MAN1C1: variants seen among roughly 807,000 people sequenced by gnomAD.
MAN1C1 encodes the protein mannosidase alpha class 1C member 1.
MAN1C1 carries 49 observed loss-of-function variants against 71.5 expected under a neutral mutation model. The ratio of observed to expected loss-of-function variants is 0.69; its 90% CI spans 0.54 to 0.87. The LOEUF is 0.87. Ranked by LOEUF, MAN1C1 falls within the 40% of genes least tolerant of loss-of-function variation. MAN1C1 has a pLI of 0.00. For missense variants in MAN1C1, 743 were observed against 835.0 expected, an observed-to-expected ratio of 0.89 and a Z score of 1.36; for synonymous variants, 352 against 343.7, an observed-to-expected ratio of 1.02 and a Z score of -0.27.
intron 8 of MAN1C1, 144 bp downstream of exon 8, chr1:25,771,916 C>T (rs2047558542): frequency 3.1e-6 from 2 of 636,244 alleles, no homozygotes; most frequent in South Asian, 1.9e-5. Context: ...AGAAGATTGA[C>T]AGGACAGTCC....
At chr1:25,674,134 G>A (rs973429685) in intron 1 of MAN1C1, among the ~76,000 whole-genome samples, 1 of 152,208 alleles carries the variant, frequency 6.6e-6, no homozygotes, top group Non-Finnish European at 1.5e-5. Context: ...CTGTCTGCAC[G>A]CTGCACCAAG....
Position 25,631,276 on chromosome 1 carries a change from T to C in MAN1C1, c.540+12939T>C, listed in dbSNP as rs1394499474. Among the ~76,000 whole-genome samples the C allele has an allele frequency of 7.9e-5, 12 of 152,306 alleles. No individual in the cohort carries two copies. The East Asian group carries it at 2.1e-3, about 27-fold the overall frequency. On this transcript the variant is annotated intron_variant, in intron 1 of 11. Transcript: ENST00000374332. This position sits in a 1 kb window ranked among gnomAD's most constrained non-coding sequence, Gnocchi z 4.2. ...AGCCACCGCACCCAGCCCAGTGCTA[T>C]GTTTAATAGAAGTAGTGAAAGTCGG...
intron 2 of MAN1C1, among the ~76,000 whole-genome samples, chr1:25,729,889 CA>C (rs1352784288): frequency 6.6e-6 from 1 of 152,146 alleles, no homozygotes; most frequent in Non-Finnish European, 1.5e-5. Context: ...GTGGCAAAGT[CA>C]AATTCCAAAC....
chr1:25,756,990 C>T (rs2047294597), intron 5 of MAN1C1, among the ~76,000 whole-genome samples: 1 of 152,108 alleles, frequency 6.6e-6, no homozygotes, highest in Non-Finnish European at 1.5e-5. Flanking sequence ...AGGTGGCTGT[C>T]TCTATATGTG....
At chr1:25,770,183 C>T in intron 7 of MAN1C1, among the ~76,000 whole-genome samples, 1 of 152,246 alleles carries the variant, frequency 6.6e-6, no homozygotes, top group Middle Eastern at 3.2e-3. Flanking sequence ...GGTGCCACTT[C>T]TCTCTTCCCT....
At chr1:25,712,854 A>G (rs934103141) in intron 2 of MAN1C1, among the ~76,000 whole-genome samples, 1 of 152,144 alleles carries the variant, frequency 6.6e-6, no homozygotes, top group African/African-American at 2.4e-5. Flanking sequence ...GGCTGGGCTC[A>G]GGAAAATGCA....
chr1:25,656,400 T>A (rs2045768672), intron 1 of MAN1C1, among the ~76,000 whole-genome samples: 1 of 152,100 alleles, frequency 6.6e-6, no homozygotes, highest in South Asian at 2.1e-4. Context: ...GCCGGGCCTA[T>A]AATGTACTTT....
At chr1:25,661,469 C>A (rs2045848020) in intron 1 of MAN1C1, among the ~76,000 whole-genome samples, 1 of 152,178 alleles carries the variant, frequency 6.6e-6, no homozygotes, top group Non-Finnish European at 1.5e-5. Context: ...CCTCTTTTCC[C>A]CAGAGCACAA....
chr1:25,777,477 G>A (rs2047633693), intron 8 of MAN1C1: 1 of 152,234 alleles, frequency 6.6e-6, no homozygotes, highest in South Asian at 2.1e-4. Context: ...ACATTGTGGG[G>A]TCTTGTTTCT....
chr1:25,763,793 C>A, intron 6 of MAN1C1, 81 bp from the exon 7 acceptor site: 3 of 1,120,134 alleles, frequency 2.7e-6, no homozygotes, highest in Non-Finnish European at 4.1e-6. Flanking sequence ...TCTGAACCAG[C>A]TGCCTCCCAT....
chr1:25,648,517 C>T (rs1168506453), intron 1 of MAN1C1, among the ~76,000 whole-genome samples: 1 of 152,176 alleles, frequency 6.6e-6, no homozygotes, highest in Non-Finnish European at 1.5e-5. Context: ...GCTCTGGTCA[C>T]ATATGAAATG....
At chr1:25,668,029 C>T (rs1451398007) in intron 1 of MAN1C1, among the ~76,000 whole-genome samples, 2 of 152,138 alleles carry the variant, frequency 1.3e-5, no homozygotes, top group Non-Finnish European at 2.9e-5. Flanking sequence ...AATTCTCTCT[C>T]CTGGGGTGAA....
intron 2 of MAN1C1, among the ~76,000 whole-genome samples, chr1:25,716,525 C>T (rs1360356634): frequency 6.6e-6 from 1 of 152,126 alleles, no homozygotes; most frequent in East Asian, 1.9e-4. Flanking sequence ...CAGGATTCTG[C>T]CGTGTTGCCC....
intron 2 of MAN1C1, among the ~76,000 whole-genome samples, chr1:25,694,392 C>T (rs113272449): frequency 3.9e-5 from 6 of 152,264 alleles, no homozygotes; most frequent in African/African-American, 1.4e-4. Context: ...GCCTCTGCCT[C>T]GCAAATCCCC....
chr1:25,626,201 A>G (rs1441001429), intron 1 of MAN1C1, among the ~76,000 whole-genome samples: 1 of 152,192 alleles, frequency 6.6e-6, no homozygotes, highest in African/African-American at 2.4e-5. Context: ...TTTATACTCC[A>G]CCAGCAATAT....
chr1:25,657,654 CT>C (rs2045786095), intron 1 of MAN1C1, among the ~76,000 whole-genome samples: 1 of 152,170 alleles, frequency 6.6e-6, no homozygotes, highest in Non-Finnish European at 1.5e-5. Flanking sequence ...GGGGGCTGCC[CT>C]TTGACAAACA....
intron 4 of MAN1C1, among the ~76,000 whole-genome samples, chr1:25,751,828 G>A (rs986304476): frequency 5.9e-5 from 9 of 152,182 alleles, no homozygotes; most frequent in Admixed American, 5.2e-4. Context: ...TCCTGACCCT[G>A]TGGCCTTTGT....
intron 1 of MAN1C1, among the ~76,000 whole-genome samples, chr1:25,670,005 G>T (rs1302623195): frequency 6.6e-6 from 1 of 152,200 alleles, no homozygotes; most frequent in Non-Finnish European, 1.5e-5. Context: ...AATGTAGATG[G>T]TTTCACATGA....
intron 3 of MAN1C1, among the ~76,000 whole-genome samples, chr1:25,747,479 T>G (rs989893861): frequency 6.6e-6 from 1 of 152,208 alleles, no homozygotes; most frequent in African/African-American, 2.4e-5. Context: ...TTACATAGAC[T>G]TGGGGAGTAA....
Sources: allele counts gnomAD v4.1 joint callset (sites outside exome capture counted in the v4.1 genomes callset), GRCh38; gene constraint gnomAD v4.1.1; non-coding constraint Gnocchi (gnomAD v3.1); transcripts MANE v1.5; gene names NCBI Gene and HGNC (gene_info 2026-07-23, HGNC 2026-07-21).